Variants in KCNMB3 observed in about 807,000 individuals in gnomAD.
KCNMB3 encodes calcium-activated potassium channel subunit beta-3.
In KCNMB3, 18 loss-of-function variants were observed where a neutral mutation model predicts 11.9. That is an observed-to-expected ratio of 1.51 (90% CI 1.04 to 2.23). KCNMB3 has a LOEUF of 2.23. Among genes scored for constraint, KCNMB3 ranks in the 30% most tolerant of loss-of-function variants. The pLI is 0.00. For missense variants in KCNMB3, 247 were observed against 329.4 expected (o/e 0.75, Z 1.94); for synonymous variants, 78 against 119.2 (o/e 0.65, Z 2.25).
At chr3:179,254,376 A>C (rs1725942746), upstream of KCNMB3, among the ~76,000 whole-genome samples, 2 of 152,234 alleles carry the variant, frequency 1.3e-5, no homozygotes, top group Non-Finnish European at 2.9e-5. Flanking sequence ...TTACAGCCTG[A>C]ATTCATACTA....
At chr3:179,257,900 T>TG (rs1560160040) in intron 1 of KCNMB3, among the ~76,000 whole-genome samples, 10 of 140,546 alleles carry the variant, frequency 7.1e-5, no homozygotes, top group East Asian at 2.2e-4. Context: ...GTGTGTGTGT[T>TG]TTTTAGACAG....
intron 1 of KCNMB3, chr3:179,260,225 C>T: frequency 1.2e-6 from 2 of 1,613,912 alleles, no homozygotes; most frequent in Non-Finnish European, 1.7e-6. Context: ...AGTTGGATGG[C>T]TCAAGGGGAG....
chr3:179,240,350 TAAAG>T (rs767182489), downstream of KCNMB3: 25 of 304,722 alleles, frequency 8.2e-5, no homozygotes, highest in Middle Eastern at 9.7e-4. Context: ...CCTTTAAGCA[TAAAG>T]AATTATATGC....
chr3:179,258,398 T>C lies in KCNMB3; in HGVS notation c.63-7464A>G, dbSNP rs377333969. Among the ~76,000 whole-genome samples, 63 of 152,302 alleles carry C rather than the reference T, an allele frequency of 4.1e-4. 1 individual carries two copies. In the South Asian group the frequency reaches 0.012, roughly 29 times the overall value. On this transcript the variant is annotated intron_variant, in intron 1 of 3. Coordinates refer to the KCNMB3 transcript ENST00000349697. The stretch of plus-strand genomic sequence containing the variant: ...TTCAAAATCAAAGACTTATATGAGG[T>C]GAAGGCAAATAAAGCCCCTCATGCT...
intron 1 of KCNMB3, among the ~76,000 whole-genome samples, chr3:179,262,411 G>A (rs1310675773): frequency 2.0e-5 from 3 of 151,946 alleles, no homozygotes; most frequent in Non-Finnish European, 4.4e-5. Flanking sequence ...CGATGGGTTC[G>A]TGGTCTCCCT....
intron 1 of KCNMB3, among the ~76,000 whole-genome samples, chr3:179,263,305 G>T (rs1726278766): frequency 6.6e-6 from 1 of 152,248 alleles, no homozygotes; most frequent in Non-Finnish European, 1.5e-5. Flanking sequence ...CACTCGGAGT[G>T]CTGGCCCGCT....
downstream of KCNMB3, chr3:179,242,091 A>G (rs1178586930): frequency 5.2e-5 from 8 of 152,900 alleles, 1 homozygote; most frequent in African/African-American, 1.9e-4. Context: ...TCTGCTGTCT[A>G]GACTGGTAAA....
At chr3:179,253,349 A>G (rs1227010735), upstream of KCNMB3, among the ~76,000 whole-genome samples, 4 of 152,262 alleles carry the variant, frequency 2.6e-5, no homozygotes, top group African/African-American at 4.8e-5. Context: ...TTTAGGAATA[A>G]GACAGACCTG....
chr3:179,251,521 G>C (rs1725842487), upstream of KCNMB3: 2 of 1,370,088 alleles, frequency 1.5e-6, no homozygotes, highest in Non-Finnish European at 9.4e-7. Context: ...GGCCACTCAT[G>C]GTTCTGCATA....
chr3:179,259,467 C>G, intron 1 of KCNMB3: 1 of 1,612,824 alleles, frequency 6.2e-7, no homozygotes, highest in Non-Finnish European at 8.5e-7. Context: ...TACATCATTG[C>G]CTTCTTGGTC....
intron 1 of KCNMB3, chr3:179,261,191 G>A (rs1576964335): frequency 7.4e-7 from 1 of 1,348,240 alleles, no homozygotes; most frequent in South Asian, 1.5e-5. Context: ...CCGTTTTGCG[G>A]CGAGCCGGGC....
chr3:179,245,533 T>A (rs1322156136), intron 1 of KCNMB3, among the ~76,000 whole-genome samples: 2 of 151,980 alleles, frequency 1.3e-5, no homozygotes, highest in Non-Finnish European at 2.9e-5. Context: ...GGATGGAGTT[T>A]CGCTCTTGTT....
At chr3:179,265,705 A>G (rs957956248) in intron 1 of KCNMB3, among the ~76,000 whole-genome samples, 4 of 152,104 alleles carry the variant, frequency 2.6e-5, no homozygotes, top group African/African-American at 9.7e-5. Context: ...TGATCCACTC[A>G]CCTCGGCCTC....
intron 1 of KCNMB3, chr3:179,259,536 T>TTTTTCA (rs1281770635): frequency 6.2e-7 from 1 of 1,610,812 alleles, no homozygotes; most frequent in African/African-American, 1.3e-5. Context: ...TTCACTGCTT[T>TTTTTCA]CTGCTGCAAT....
At chr3:179,248,294 T>C (rs188045471) in intron 1 of KCNMB3, among the ~76,000 whole-genome samples, 114 of 152,316 alleles carry the variant, frequency 7.5e-4, no homozygotes, top group African/African-American at 2.7e-3. Flanking sequence ...GGATAAAATA[T>C]AGTATGTATT....
intron 1 of KCNMB3, among the ~76,000 whole-genome samples, chr3:179,258,476 C>T (rs1416854482): frequency 6.6e-6 from 1 of 152,174 alleles, no homozygotes; most frequent in African/African-American, 2.4e-5. Flanking sequence ...AGGTGCAAAT[C>T]TTTTCAGTGA....
chr3:179,258,662 T>C (rs994471090), intron 1 of KCNMB3, among the ~76,000 whole-genome samples: 13 of 152,246 alleles, frequency 8.5e-5, no homozygotes, highest in African/African-American at 3.1e-4. Flanking sequence ...AATTAGATGC[T>C]GATATATTTG....
upstream of KCNMB3, among the ~76,000 whole-genome samples, chr3:179,256,459 C>A (rs1726014698): frequency 6.6e-6 from 1 of 151,546 alleles, no homozygotes; most frequent in East Asian, 1.9e-4. Flanking sequence ...GATATTAATT[C>A]TACAAAATAA....
chr3:179,263,553 T>A (rs2864412), intron 1 of KCNMB3, among the ~76,000 whole-genome samples: 67,849 of 152,130 alleles, frequency 0.45, 16,710 homozygotes, highest in East Asian at 0.87. Flanking sequence ...AAGACCTGAC[T>A]ACAAACTTAG....
Sources: gnomAD v4.1 joint callset for allele counts (sites outside exome capture counted in the v4.1 genomes callset) on GRCh38, gnomAD v4.1.1 for gene constraint, MANE v1.5 for transcripts, NCBI Gene and HGNC (gene_info 2026-07-23, HGNC 2026-07-21) for gene names.